The following RRAS variants were observed in gnomAD, a reference collection of about 807,000 sequenced individuals.
The protein encoded by RRAS is RAS related.
In RRAS, 18 loss-of-function variants were observed where a neutral mutation model predicts 23.3. The observed-to-expected ratio is 0.77, with a 90% CI of 0.53 to 1.15. The LOEUF is 1.15. Ranked by LOEUF, RRAS falls within the 50% of genes most tolerant of loss-of-function variation. The probability of loss-of-function intolerance (pLI) is 0.00; values close to 1 mark genes in which losing one functional copy is unlikely to be tolerated. For missense variants in RRAS, 291 were observed against 317.1 expected (o/e 0.92, Z 0.62); for synonymous variants, 133 against 138.3 (o/e 0.96, Z 0.27).
chr19:49,637,301 C>CTTTTTTTTTTTTTTTTTTTTTTTTT lies in RRAS; in HGVS notation c.154-172_154-171insAAAAAAAAAAAAAAAAAAAAAAAAA, dbSNP rs11400258. ...CTCTGTCCCGTCTGTCTCTCTGAGT[C>CTTTTTTTTTTTTTTTTTTTTTTTTT]TTTTTTTTTTTTTTTTTTTTTTGAG... On this transcript the variant is annotated intron_variant, in intron 1 of 5. Coordinates refer to ENST00000246792, the MANE Select transcript of RRAS (RefSeq NM_006270.5). 1.3e-4 allele frequency among the ~76,000 whole-genome samples: 14 copies of CTTTTTTTTTTTTTTTTTTTTTTTTT among 104,114 alleles called. 7 individuals carry two copies. The highest frequency in any genetic ancestry group is 1.9e-4 in the Non-Finnish European group (10 of 53,264). The allele number at this position is 104,114 out of a possible 152,430, so 68.3% of individuals were successfully genotyped here.
Position 49,636,805 on chromosome 19 carries a change from C to A in RRAS, c.344+19G>T, listed in dbSNP as rs2080998505. 2 of 1,611,808 alleles carry A rather than the reference C, an allele frequency of 1.2e-6. No individual in the cohort carries two copies. Among genetic ancestry groups the A allele is most frequent in the South Asian group, 1.1e-5 (1 of 91,062 alleles). ...TCCCCACACCCACCCACTGCTCCGC[C>A]ACCAGCAACCCCTGTCACCTCTGCC... On this transcript the variant is annotated intron_variant, in intron 3 of 5. Transcript: ENST00000246792. The surrounding 1 kb of genome is among the most constrained non-coding windows in gnomAD (Gnocchi z 4.5).
rs564198320 is a variant in RRAS at position 49,635,872 on chromosome 19, G to C, written c.454-20C>G. On this transcript the variant is annotated intron_variant, in intron 4 of 5. Coordinates refer to ENST00000246792, the MANE Select transcript of RRAS (RefSeq NM_006270.5). ...GGGGACCTGGGGGTAGGGGGGACAC[G>C]GGGGAGTCAGGTCCCTGCACTCAGG... 8.6e-7 allele frequency: 1 copy of C among 1,168,816 alleles called. No homozygotes were observed. The highest frequency in any genetic ancestry group is 2.0e-5 in the Admixed American group (1 of 50,824). The allele number at this position is 1,168,816 out of a possible 1,614,324, so 72.4% of individuals were successfully genotyped here.
At chr19:49,637,493 A>G (rs1599814415) in intron 1 of RRAS, among the ~76,000 whole-genome samples, 1 of 151,278 alleles carries the variant, frequency 6.6e-6, no homozygotes, top group Non-Finnish European at 1.5e-5. Context: ...TTTAGTAGAG[A>G]TGTGTTGGTC....
chr19:49,635,802 G>T lies in RRAS; in HGVS notation c.504C>A (p.Tyr168Ter). The T allele has an allele frequency of 6.3e-7, 1 of 1,598,684 alleles. No homozygotes were observed. Among genetic ancestry groups the T allele is most frequent in the Non-Finnish European group, 8.6e-7 (1 of 1,168,784 alleles). Residue 168 changes from tyrosine to a stop codon, truncating the protein, a stop_gained, in exon 5 of 6, where the codon TAC becomes TAA. Transcript: ENST00000246792. LOFTEE classifies it high-confidence loss of function. ...GACGCAGTTTGGCCGAGGCCTCAAAGTAGGCCACGTGGTGGGAGGCGCCGA... is the reference window on the plus strand; with the variant it reads ...GACGCAGTTTGGCCGAGGCCTCAAATTAGGCCACGTGGTGGGAGGCGCCGA... ...SAFGASHHVA[Y>*]FEASAKLRLN...
chr19:49,635,618 G>A lies in RRAS; in HGVS notation c.615C>T (p.Ala205=). Residue 205 remains alanine (A), a synonymous_variant, in exon 6 of 6, where the codon GCC becomes GCT. Transcript: ENST00000246792. Reference sequence around the variant, plus strand: ...GGCAGCCCCCGCCCTTCTTCCTGGGGGCACTGGGAGGGCTCGGTGGGAGCT... The same window carrying A: ...GGCAGCCCCCGCCCTTCTTCCTGGGAGCACTGGGAGGGCTCGGTGGGAGCT... ...EQELPPSPPS[A]PRKKGGGCPC... The A allele has an allele frequency of 7.0e-7, 1 of 1,433,452 alleles. No homozygotes were observed. The highest frequency in any genetic ancestry group is 2.6e-5 in the East Asian group (1 of 38,728). 88.8% of individuals were successfully genotyped at this position (1,433,452 alleles called of 1,614,324 possible).
chr19:49,638,948 C>T (rs994613630), intron 1 of RRAS, among the ~76,000 whole-genome samples: 3 of 151,472 alleles, frequency 2.0e-5, no homozygotes, highest in Admixed American at 6.6e-5. Flanking sequence ...GTTTGGGCCT[C>T]CGGGAATGGG....
In RRAS at chr19:49,636,843, C is replaced by T. The variant is rs1358894507; in HGVS notation, c.325G>A (p.Ala109Thr). Residue 109 changes from alanine to threonine, a missense_variant, in exon 3 of 6, where the codon GCC becomes ACC. Transcript: ENST00000246792. The surrounding 1 kb of genome is among the most constrained non-coding windows in gnomAD (Gnocchi z 4.5). ...TGTCACCTCTGCCGGTCGTTAATGG[C>T]GAACACCAGCAGGAAGCCGTGGCCA... ...RAGHGFLLVF[A>T]INDRQSFNEV... 1.9e-6 allele frequency: 3 copies of T among 1,613,010 alleles called. No individual in the cohort carries two copies. The highest frequency in any genetic ancestry group is 1.3e-5 in the African/African-American group (1 of 74,904).
chr19:49,635,633 C>T lies in RRAS; in HGVS notation c.600G>A (p.Pro200=), dbSNP rs183538580. 1.8e-4 allele frequency: 266 copies of T among 1,446,130 alleles called. 1 individual carries two copies. The East Asian group carries it at 4.9e-3, about 27-fold the overall frequency. The allele number at this position is 1,446,130 out of a possible 1,614,324, so 89.6% of individuals were successfully genotyped here. A position where few individuals can be genotyped will look rare whatever the true frequency, so the allele number is the denominator to read the frequency against. Residue 200 remains proline, a synonymous_variant, in exon 6 of 6, where the codon CCG becomes CCA. Coordinates refer to ENST00000246792, the MANE Select transcript of RRAS (RefSeq NM_006270.5). ...VRKYQEQELP[P]SPPSAPRKKG... ...TCTTCCTGGGGGCACTGGGAGGGCT[C>T]GGTGGGAGCTCTTGTTCCTGGTATT...
In RRAS at chr19:49,635,731, C is replaced by T; in HGVS notation, c.572+3G>A. 1.9e-6 allele frequency: 3 copies of T among 1,565,266 alleles called. No individual in the cohort carries two copies. Among genetic ancestry groups the T allele is most frequent in the South Asian group, 1.1e-5 (1 of 87,650 alleles). Reference sequence around the variant, plus strand: ...AGGACGACAGGAAGGGGACTTGGCTCACCGGACAGCCCGCACCAGCTGCTC... The same window carrying T: ...AGGACGACAGGAAGGGGACTTGGCTTACCGGACAGCCCGCACCAGCTGCTC... On this transcript the variant is annotated splice_donor_region_variant and intron_variant, in intron 5 of 5. Transcript: ENST00000246792.
Position 49,635,847 on chromosome 19 carries a change from G to T in RRAS, c.459C>A (p.Pro153=). 1 of 1,557,742 alleles carries T rather than the reference G, an allele frequency of 6.4e-7. No homozygotes were observed. Among genetic ancestry groups the T allele is most frequent in the Non-Finnish European group, 8.8e-7 (1 of 1,136,512 alleles). ...CGCCGAAGGCAGAGGCTTCTGATCG[G>T]GGGACCTGGGGGTAGGGGGGACACG... The part of the protein sequence containing the change: ...KADLESQRQV[P]RSEASAFGAS... The change falls in exon 5 of 6, where the codon CCC becomes CCA. Residue 153 remains proline, a synonymous_variant. Transcript: ENST00000246792.
intron 1 of RRAS, among the ~76,000 whole-genome samples, 187 bp downstream of exon 1, chr19:49,639,759 G>T (rs1242688555): frequency 6.6e-6 from 1 of 152,108 alleles, no homozygotes; most frequent in African/African-American, 2.4e-5. Context: ...CAGAAGGAAG[G>T]GTCCCCCGTG....
Position 49,639,978 on chromosome 19 carries a change from C to A in RRAS, c.121G>T (p.Gly41Cys). The change falls in exon 1 of 6, where the codon GGC becomes TGC. Residue 41 changes from glycine (G) to cysteine (C), a missense_variant. Transcript: ENST00000246792. ...KLVVVGGGGV[G>C]KSALTIQFIQ... The stretch of plus-strand genomic sequence containing the variant: ...AACTGGATGGTCAGCGCGCTCTTGC[C>A]CACGCCGCCGCCGCCCACGACCACC... 1 of 1,589,878 alleles carries A rather than the reference C, an allele frequency of 6.3e-7. No homozygotes were observed. The highest frequency in any genetic ancestry group is 1.1e-5 in the South Asian group (1 of 89,686).
Position 49,636,979 on chromosome 19 carries a change from C to A in RRAS, c.242-53G>T, listed in dbSNP as rs978242509. The A allele has an allele frequency of 1.9e-6, 3 of 1,606,698 alleles. No individual in the cohort carries two copies. Among genetic ancestry groups the A allele is most frequent in the Non-Finnish European group, 2.6e-6 (3 of 1,174,342 alleles). On this transcript the variant is annotated intron_variant, in intron 2 of 5. Transcript: ENST00000246792. The surrounding 1 kb of genome is among the most constrained non-coding windows in gnomAD (Gnocchi z 4.5). ...TGGGGACCAGGCTCCCCGCAGTCAC[C>A]CCCAAGAGCCCTCAGCCCCCACTGA...
At chr19:49,639,841 G>C in intron 1 of RRAS, 105 bp downstream of exon 1, 1 of 927,664 alleles carries the variant, frequency 1.1e-6, no homozygotes, top group Non-Finnish European at 1.6e-6. Flanking sequence ...GGGCCTTATA[G>C]GAGGGTCTCA....
chr19:49,637,201 CCT>C lies in RRAS; in HGVS notation c.154-73_154-72del, dbSNP rs1050704719. 1.2e-4 allele frequency: 137 copies of C among 1,124,850 alleles called. 1 individual carries two copies. In the South Asian group the frequency reaches 1.7e-3, roughly 14 times the overall value. 69.7% of individuals were successfully genotyped at this position (1,124,850 alleles called of 1,614,324 possible). A position where few individuals can be genotyped will look rare whatever the true frequency, so the allele number is the denominator to read the frequency against. On this transcript the variant is annotated intron_variant, in intron 1 of 5. Transcript: ENST00000246792. The stretch of plus-strand genomic sequence containing the variant: ...AGGACGAAGCCCTGCCCTTGGGATG[CCT>C]CTCTCAGTCTCTGTCCCTCTCTCTC...
chr19:49,635,413 G>T lies in RRAS; in HGVS notation c.*163C>A. ...GAGGCGTTGGCAGAAGGCACACAGT[G>T]GCAGTAGCCCAGAAGAGGCCAGGAA... On this transcript the variant is annotated 3_prime_UTR_variant, in exon 6 of 6. Coordinates refer to ENST00000246792, the MANE Select transcript of RRAS (RefSeq NM_006270.5). 2.3e-6 allele frequency: 1 copy of T among 430,256 alleles called. No individual in the cohort carries two copies. Among genetic ancestry groups the T allele is most frequent in the East Asian group, 3.4e-5 (1 of 29,328 alleles). The allele number at this position is 430,256 out of a possible 1,614,324, so 26.7% of individuals were successfully genotyped here.
chr19:49,635,875 G>T, intron 4 of RRAS, 23 bp from the exon 5 acceptor site: 3 of 1,158,808 alleles, frequency 2.6e-6, no homozygotes, highest in South Asian at 1.3e-5. Context: ...GGGACACGGG[G>T]GAGTCAGGTC....
At position 49,639,378 on chromosome 19, in the gene RRAS, T is replaced by G. The variant is rs2081011476; in HGVS notation, c.153+568A>C. On this transcript the variant is annotated intron_variant, in intron 1 of 5. Coordinates refer to ENST00000246792, the MANE Select transcript of RRAS (RefSeq NM_006270.5). ...AGGCAGAGGTTGCAGTGAGCCAACA[T>G]CGCACCACTGCACTCCACCGCACTC... Among the ~76,000 whole-genome samples, 3 of 147,612 alleles carry G rather than the reference T, an allele frequency of 2.0e-5. No individual in the cohort carries two copies. In the South Asian group the frequency reaches 6.4e-4, roughly 31 times the overall value.
intron 1 of RRAS, among the ~76,000 whole-genome samples, chr19:49,639,027 C>T (rs751803110): frequency 1.4e-4 from 22 of 151,850 alleles, no homozygotes; most frequent in Non-Finnish European, 1.0e-4. Flanking sequence ...TTTTAAATCT[C>T]GGGTCGGAGA....
Sources: allele counts gnomAD v4.1 joint callset (sites outside exome capture counted in the v4.1 genomes callset), GRCh38; gene constraint gnomAD v4.1.1; non-coding constraint Gnocchi (gnomAD v3.1); transcripts MANE v1.5; gene names NCBI Gene and HGNC (gene_info 2026-07-23, HGNC 2026-07-21).